The following GLRA3 variants were observed in gnomAD, a reference collection of about 807,000 sequenced individuals.
GLRA3 encodes the protein glycine receptor subunit alpha-3.
In GLRA3, 44 loss-of-function variants were observed where a neutral mutation model predicts 60.4. The observed-to-expected ratio is 0.73, with a 90% CI of 0.57 to 0.94. The LOEUF is 0.94. Among genes scored for constraint, GLRA3 ranks in the 40% least tolerant of loss-of-function variants. GLRA3 has a pLI of 0.00. For synonymous variants in GLRA3, 223 were observed against 192.9 expected, an observed-to-expected ratio of 1.16 and a Z score of -1.29; for missense variants, 508 against 564.6, an observed-to-expected ratio of 0.90 and a Z score of 1.02.
chr4:174,654,048 A>G (rs1733111284), intron 9 of GLRA3, among the ~76,000 whole-genome samples: 1 of 152,154 alleles, frequency 6.6e-6, no homozygotes, highest in Admixed American at 6.6e-5. Context: ...GTTATTGGGA[A>G]ATAAGTTTTC....
chr4:174,722,208 T>C (rs541892680), intron 4 of GLRA3, among the ~76,000 whole-genome samples: 1 of 152,234 alleles, frequency 6.6e-6, no homozygotes, highest in Admixed American at 6.5e-5. Context: ...CAGGTAGCAG[T>C]TGTGCCTGAA....
chr4:174,754,555 T>A (rs1469361468), intron 3 of GLRA3, among the ~76,000 whole-genome samples: 1 of 152,120 alleles, frequency 6.6e-6, no homozygotes, highest in Non-Finnish European at 1.5e-5. Context: ...CATTGTTGAA[T>A]TTATAAATAT....
chr4:174,643,350 AACTAT>A lies in GLRA3; in HGVS notation c.*431_*435del, dbSNP rs1444884132. 1.5e-5 allele frequency: 6 copies of A among 394,122 alleles called. No individual in the cohort carries two copies. In the African/African-American group the frequency reaches 4.1e-4, roughly 27 times the overall value. 24.4% of individuals were successfully genotyped at this position (394,122 alleles called of 1,614,324 possible). ...GTAACTAATTATTTTCCCATTTTGT[AACTAT>A]ACTATAAGAAAATAGTTTTAAATCT... On this transcript the variant is annotated 3_prime_UTR_variant, in exon 10 of 10. Transcript: ENST00000274093.
At chr4:174,748,974 C>T (rs948930241) in intron 3 of GLRA3, among the ~76,000 whole-genome samples, 5 of 152,170 alleles carry the variant, frequency 3.3e-5, no homozygotes, top group African/African-American at 1.2e-4. Context: ...TGAGTTTCTA[C>T]TTGCAAGTGG....
chr4:174,747,596 C>A (rs963549586), intron 3 of GLRA3, among the ~76,000 whole-genome samples: 1 of 152,070 alleles, frequency 6.6e-6, no homozygotes, highest in African/African-American at 2.4e-5. Flanking sequence ...GAGAGGTGAT[C>A]CCCAAAGTGG....
chr4:174,713,196 ACC>A (rs1735787956), intron 5 of GLRA3, among the ~76,000 whole-genome samples: 1 of 152,062 alleles, frequency 6.6e-6, no homozygotes, highest in Non-Finnish European at 1.5e-5. Flanking sequence ...ATATTAAAGA[ACC>A]CCTTGAACAA....
chr4:174,709,548 C>T (rs912333416), intron 5 of GLRA3, among the ~76,000 whole-genome samples: 4 of 151,984 alleles, frequency 2.6e-5, no homozygotes, highest in African/African-American at 7.2e-5. Context: ...ACGTTTTCTT[C>T]ATACCTAAAA....
At chr4:174,783,160 C>T (rs963349776) in intron 2 of GLRA3, among the ~76,000 whole-genome samples, 55 of 151,764 alleles carry the variant, frequency 3.6e-4, no homozygotes, top group East Asian at 9.7e-4. Flanking sequence ...TCAGAAATAA[C>T]GCCGCGTATC....
At chr4:174,737,786 A>G (rs28563052) in intron 3 of GLRA3, among the ~76,000 whole-genome samples, 55,598 of 152,104 alleles carry the variant, frequency 0.37, 10,563 homozygotes, top group Non-Finnish European at 0.4. Flanking sequence ...TGCTGGGATT[A>G]CAGGCGTGAG....
Position 174,643,773 on chromosome 4 carries a change from T to C in GLRA3, c.*13A>G. 1.2e-6 allele frequency: 2 copies of C among 1,605,798 alleles called. No homozygotes were observed. Among genetic ancestry groups the C allele is most frequent in the Non-Finnish European group, 1.7e-6 (2 of 1,174,934 alleles). ...TCTGAATTGACCATTTGCATTTGCA[T>C]GCCCCCAGAGACTTAATCTTGCTGC... On this transcript the variant is annotated 3_prime_UTR_variant, in exon 10 of 10. Transcript: ENST00000274093.
chr4:174,749,560 A>T (rs778556007), intron 3 of GLRA3, among the ~76,000 whole-genome samples: 7 of 152,148 alleles, frequency 4.6e-5, no homozygotes, highest in Non-Finnish European at 8.8e-5. Context: ...TTGCAAACCA[A>T]GTATTGAAAG....
At chr4:174,718,196 A>C (rs1240751773) in intron 4 of GLRA3, among the ~76,000 whole-genome samples, 3 of 152,206 alleles carry the variant, frequency 2.0e-5, no homozygotes, top group African/African-American at 7.2e-5. Flanking sequence ...ATACTGAAAA[A>C]TACGTGTCAA....
At chr4:174,709,959 T>G (rs1375325711) in intron 5 of GLRA3, among the ~76,000 whole-genome samples, 2 of 147,020 alleles carry the variant, frequency 1.4e-5, no homozygotes, top group Non-Finnish European at 3.0e-5. Context: ...AAACATAATG[T>G]TGATTTTCTT....
intron 1 of GLRA3, among the ~76,000 whole-genome samples, chr4:174,804,519 A>C (rs1290297949): frequency 1.3e-5 from 2 of 152,112 alleles, no homozygotes; most frequent in African/African-American, 4.8e-5. Flanking sequence ...GAGACATATA[A>C]TTAATAAAAT....
At chr4:174,738,667 G>A (rs1389182445) in intron 3 of GLRA3, among the ~76,000 whole-genome samples, 4 of 152,110 alleles carry the variant, frequency 2.6e-5, no homozygotes, top group Non-Finnish European at 2.9e-5. Flanking sequence ...GTTCGGAATC[G>A]ATTGATATTT....
chr4:174,701,476 A>G (rs1217012751), intron 5 of GLRA3, among the ~76,000 whole-genome samples: 1 of 152,200 alleles, frequency 6.6e-6, no homozygotes, highest in African/African-American at 2.4e-5. Context: ...AAGCCTTCTA[A>G]CATAGCATCC....
At chr4:174,810,117 T>C (rs949102117) in intron 1 of GLRA3, among the ~76,000 whole-genome samples, 1 of 152,132 alleles carries the variant, frequency 6.6e-6, no homozygotes, top group Non-Finnish European at 1.5e-5. Flanking sequence ...TTTGGTCTCA[T>C]GGAGTTTACA....
intron 7 of GLRA3, among the ~76,000 whole-genome samples, chr4:174,668,988 T>C (rs1336186497): frequency 6.6e-6 from 1 of 152,090 alleles, no homozygotes; most frequent in Non-Finnish European, 1.5e-5. Context: ...CTTTTGGCTG[T>C]GCGATGGGCA....
intron 3 of GLRA3, among the ~76,000 whole-genome samples, chr4:174,748,232 G>A (rs1331555599): frequency 6.6e-6 from 1 of 152,194 alleles, no homozygotes; most frequent in African/African-American, 2.4e-5. Flanking sequence ...GCCAAAGTAA[G>A]ACAGTTTTCA....
Sources: allele counts gnomAD v4.1 joint callset (sites outside exome capture counted in the v4.1 genomes callset), GRCh38; gene constraint gnomAD v4.1.1; transcripts MANE v1.5; gene names NCBI Gene and HGNC (gene_info 2026-07-23, HGNC 2026-07-21).